C8orf34: variants seen among roughly 807,000 people sequenced by gnomAD.
The protein encoded by C8orf34 is chromosome 8 open reading frame 34, also known as uncharacterized protein C8orf34.
In C8orf34, 65 loss-of-function variants were observed where a neutral mutation model predicts 68.3. The ratio of observed to expected loss-of-function variants is 0.95; its 90% CI spans 0.78 to 1.17. The LOEUF (loss-of-function observed/expected upper bound fraction) is 1.17, where lower values mean the gene tolerates loss of function less well. Among genes scored for constraint, C8orf34 ranks in the 50% most tolerant of loss-of-function variants. C8orf34 has a pLI of 0.00. For missense variants in C8orf34, 664 were observed against 655.4 expected (o/e 1.01, Z -0.14); for synonymous variants, 244 against 241.2 (o/e 1.01, Z -0.11).
At chr8:68,410,262 C>A (rs1430417186) in intron 1 of C8orf34, among the ~76,000 whole-genome samples, 1 of 152,100 alleles carries the variant, frequency 6.6e-6, no homozygotes, top group Non-Finnish European at 1.5e-5. Flanking sequence ...CTTCCTTGTA[C>A]AATACAGTTG....
chr8:68,754,191 A>G (rs1438470360), intron 10 of C8orf34, among the ~76,000 whole-genome samples: 1 of 152,258 alleles, frequency 6.6e-6, no homozygotes, highest in Non-Finnish European at 1.5e-5. Context: ...ACATTATGGT[A>G]TGAGAAAAAC....
At chr8:68,579,056 C>T (rs1586401549) in intron 7 of C8orf34, among the ~76,000 whole-genome samples, 2 of 152,148 alleles carry the variant, frequency 1.3e-5, no homozygotes, top group East Asian at 3.9e-4. Flanking sequence ...TAAGGAGTGA[C>T]ACCTACTTAA....
chr8:68,668,666 T>C (rs1469548145), intron 8 of C8orf34, among the ~76,000 whole-genome samples: 1 of 152,120 alleles, frequency 6.6e-6, no homozygotes, highest in Admixed American at 6.5e-5. Context: ...AGAGCTGACA[T>C]TAAGATGGAA....
intron 5 of C8orf34, among the ~76,000 whole-genome samples, chr8:68,490,452 C>T (rs916290425): frequency 6.6e-6 from 1 of 152,078 alleles, no homozygotes; most frequent in Non-Finnish European, 1.5e-5. Flanking sequence ...TGCCCTGACA[C>T]CCAGTTAAGT....
chr8:68,447,651 T>A (rs1811179680), intron 3 of C8orf34: 1 of 152,240 alleles, frequency 6.6e-6, no homozygotes, highest in Admixed American at 6.5e-5. Context: ...AAAACCACTA[T>A]GTGCTAACTG....
intron 8 of C8orf34, among the ~76,000 whole-genome samples, chr8:68,660,746 T>C (rs1235378732): frequency 6.6e-6 from 1 of 152,160 alleles, no homozygotes; most frequent in Non-Finnish European, 1.5e-5. Flanking sequence ...AAGTCCCAAG[T>C]GGCCCTCCTC....
chr8:68,758,187 T>A (rs1822921599), intron 10 of C8orf34, among the ~76,000 whole-genome samples: 1 of 152,216 alleles, frequency 6.6e-6, no homozygotes, highest in African/African-American at 2.4e-5. Flanking sequence ...TTGGCCAGTC[T>A]AGGATGCCCA....
intron 8 of C8orf34, among the ~76,000 whole-genome samples, chr8:68,701,879 C>G (rs1240646888): frequency 6.6e-6 from 1 of 151,924 alleles, no homozygotes; most frequent in Non-Finnish European, 1.5e-5. Context: ...TATTCCCACT[C>G]CCTGTAATGC....
At chr8:68,716,127 G>A (rs1240732646) in intron 9 of C8orf34, among the ~76,000 whole-genome samples, 1 of 151,910 alleles carries the variant, frequency 6.6e-6, no homozygotes, top group Non-Finnish European at 1.5e-5. Context: ...AGGACGAAAA[G>A]GCATAAGATT....
chr8:68,428,861 C>T (rs936127542), intron 1 of C8orf34, among the ~76,000 whole-genome samples: 8 of 151,990 alleles, frequency 5.3e-5, no homozygotes, highest in Non-Finnish European at 7.4e-5. Flanking sequence ...TGCTTTTAAA[C>T]GAATGAGTGT....
intron 10 of C8orf34, among the ~76,000 whole-genome samples, chr8:68,767,125 C>T (rs1016585): frequency 0.29 from 44,556 of 151,874 alleles, 7,022 homozygotes; most frequent in African/African-American, 0.39. Context: ...ACCTGGGAAG[C>T]GGAGGTTGCA....
intron 1 of C8orf34, among the ~76,000 whole-genome samples, chr8:68,348,835 G>A (rs888336363): frequency 2.0e-5 from 3 of 152,036 alleles, no homozygotes; most frequent in African/African-American, 7.2e-5. Flanking sequence ...CAACTTTGCT[G>A]GAGTTGTTTA....
At chr8:68,681,078 C>G (rs908492821) in intron 8 of C8orf34, among the ~76,000 whole-genome samples, 1 of 152,106 alleles carries the variant, frequency 6.6e-6, no homozygotes, top group African/African-American at 2.4e-5. Context: ...TTTTGCTTGA[C>G]CCCGCAGGCA....
chr8:68,398,959 A>T (rs1808835376), intron 1 of C8orf34, among the ~76,000 whole-genome samples: 2 of 151,984 alleles, frequency 1.3e-5, no homozygotes, highest in African/African-American at 4.8e-5. Flanking sequence ...CTCCTTCTTG[A>T]TTTAATACTC....
intron 1 of C8orf34, among the ~76,000 whole-genome samples, chr8:68,347,608 A>G (rs1210921841): frequency 6.6e-6 from 1 of 151,748 alleles, no homozygotes; most frequent in Non-Finnish European, 1.5e-5. Flanking sequence ...TTTCTCCACA[A>G]CCTCACCAGC....
intron 1 of C8orf34, among the ~76,000 whole-genome samples, chr8:68,408,973 G>A (rs1809326009): frequency 6.6e-6 from 1 of 152,048 alleles, no homozygotes; most frequent in Non-Finnish European, 1.5e-5. Context: ...ATTTTTAGTA[G>A]AGACGCGGTT....
intron 12 of C8orf34, 70 bp downstream of exon 12, chr8:68,787,606 C>A: frequency 1.9e-6 from 2 of 1,074,020 alleles, no homozygotes; most frequent in Non-Finnish European, 2.7e-6. Context: ...AGCTATTTCA[C>A]TTTCATAGCA....
intron 11 of C8orf34, among the ~76,000 whole-genome samples, 186 bp from the exon 12 acceptor site, chr8:68,787,257 G>A (rs1296472346): frequency 6.6e-6 from 1 of 152,038 alleles, no homozygotes; most frequent in African/African-American, 2.4e-5. Flanking sequence ...TAAAAAATGA[G>A]TTCAGAGTTT....
Position 68,578,642 on chromosome 8 carries a change from C to CTATATATATATATATATATATA in C8orf34, c.1105+45508_1105+45509insATATATATATATATATATATAT, listed in dbSNP as rs545258846. 7.8e-3 allele frequency among the ~76,000 whole-genome samples: 1,157 copies of CTATATATATATATATATATATA among 148,542 alleles called. 24 individuals carry two copies. Among genetic ancestry groups the CTATATATATATATATATATATA allele is most frequent in the African/African-American group, 0.028 (1,087 of 39,464 alleles). On this transcript the variant is annotated intron_variant, in intron 7 of 13. Transcript: ENST00000518698. ...TCTATAGTTCATTGCAGATTAAATA[C>CTATATATATATATATATATATA]TATATATATATATATTTCAATATTG...
Sources: allele counts gnomAD v4.1 joint callset (sites outside exome capture counted in the v4.1 genomes callset), GRCh38; gene constraint gnomAD v4.1.1; transcripts MANE v1.5; gene names NCBI Gene and HGNC (gene_info 2026-07-23, HGNC 2026-07-21).